ABCC4: variants seen among roughly 807,000 people sequenced by gnomAD.
ABCC4 encodes the protein ATP-binding cassette sub-family C member 4.
ABCC4 carries 102 observed loss-of-function variants against 168.5 expected under a neutral mutation model. The ratio of observed to expected loss-of-function variants is 0.61; its 90% CI spans 0.52 to 0.71. The LOEUF (loss-of-function observed/expected upper bound fraction) is 0.71. Ranked by LOEUF, ABCC4 falls within the 30% of genes least tolerant of loss-of-function variation. The pLI, the probability that ABCC4 is intolerant of heterozygous loss-of-function variation, is 0.00. For synonymous variants in ABCC4, 617 were observed against 590.7 expected (o/e 1.04, Z -0.65); for missense variants, 1,402 against 1,605.8 (o/e 0.87, Z 2.17).
intron 25 of ABCC4, among the ~76,000 whole-genome samples, chr13:95,069,305 A>G (rs2033648514): frequency 6.6e-6 from 1 of 152,170 alleles, no homozygotes; most frequent in Non-Finnish European, 1.5e-5. Flanking sequence ...GGGGGTACAG[A>G]GACGAATATA....
In ABCC4 at chr13:95,232,107, ATGC is replaced by A. The variant is rs149368557; in HGVS notation, c.531+2500_531+2502del. Among the ~76,000 whole-genome samples, 142 of 36,922 alleles carry A rather than the reference ATGC, an allele frequency of 3.8e-3. 1 individual carries two copies. The highest frequency in any genetic ancestry group is 0.011 in the Middle Eastern group (1 of 90). The allele number at this position is 36,922 out of a possible 152,430, so 24.2% of individuals were successfully genotyped here. ...CAGGAGAATAACACAGATGATGATGATGCTGCTGCTGCTGATGATGATGGTGGT... is the reference window on the plus strand; with the variant it reads ...CAGGAGAATAACACAGATGATGATGATGCTGCTGCTGATGATGATGGTGGT... On this transcript the variant is annotated intron_variant, in intron 4 of 30. Transcript: ENST00000645237.
intron 26 of ABCC4, among the ~76,000 whole-genome samples, chr13:95,054,336 C>G (rs2032974296): frequency 6.6e-6 from 1 of 152,054 alleles, no homozygotes; most frequent in Non-Finnish European, 1.5e-5. Flanking sequence ...TCAGCCTCTT[C>G]CTGGATTTCA....
intron 13 of ABCC4, among the ~76,000 whole-genome samples, chr13:95,177,107 T>C (rs540265624): frequency 6.6e-6 from 1 of 152,270 alleles, no homozygotes; most frequent in African/African-American, 2.4e-5. Flanking sequence ...CTGGTAAGAA[T>C]CCATGAAGCA....
At chr13:95,095,606 T>C (rs930069387) in intron 20 of ABCC4, among the ~76,000 whole-genome samples, 1 of 152,126 alleles carries the variant, frequency 6.6e-6, no homozygotes, top group Non-Finnish European at 1.5e-5. Flanking sequence ...GCTTGGGTGA[T>C]GGGTGCACCA....
intron 19 of ABCC4, among the ~76,000 whole-genome samples, chr13:95,159,869 T>C (rs1007114319): frequency 6.6e-6 from 1 of 152,108 alleles, no homozygotes; most frequent in Non-Finnish European, 1.5e-5. Flanking sequence ...ACAGAGAGGG[T>C]AGGAGTAATT....
In ABCC4 at chr13:95,044,284, G is replaced by A. The variant is rs936033278; in HGVS notation, c.3611C>T (p.Thr1204Met). Residue 1204 changes from threonine to methionine, a missense_variant, in exon 28 of 31, where the codon ACG (threonine) becomes ATG (methionine). Physicochemically the swap from Thr to Met is moderately conservative, Grantham distance 81. This residue lies in a region of ABCC4 where 1,007 missense variants were observed against 1,127.3 expected (regional missense o/e 0.89). Coordinates refer to ENST00000645237, the MANE Select transcript of ABCC4 (RefSeq NM_005845.5). ...TTTATACCTTGGATCCACATTTGCC[G>A]TCGCTTCATCAATAATCAATATCTG... Reference protein sequence around the residue: ...KNQILIIDEATANVDPRTDEL... With the variant: ...KNQILIIDEAMANVDPRTDEL... The A allele has an allele frequency of 1.1e-5, 17 of 1,611,868 alleles. No individual in the cohort carries two copies. The highest frequency in any genetic ancestry group is 3.3e-5 in the Admixed American group (2 of 59,722).
chr13:95,203,304 T>C (rs1426280526), intron 8 of ABCC4, among the ~76,000 whole-genome samples: 2 of 151,756 alleles, frequency 1.3e-5, no homozygotes, highest in African/African-American at 4.8e-5. Flanking sequence ...AAAGTCCATT[T>C]GTTTCACAGC....
intron 1 of ABCC4, among the ~76,000 whole-genome samples, chr13:95,294,940 G>A (rs761773383): frequency 8.5e-5 from 13 of 152,078 alleles, no homozygotes; most frequent in Non-Finnish European, 1.3e-4. Context: ...GGCAACAAGA[G>A]TGAAACTCCA....
At chr13:95,146,705 C>T (rs1043222088) in intron 19 of ABCC4, among the ~76,000 whole-genome samples, 1 of 152,190 alleles carries the variant, frequency 6.6e-6, no homozygotes, top group East Asian at 1.9e-4. Context: ...GAGACTGCAA[C>T]AGATTTCTTG....
At chr13:95,259,856 GAA>G (rs11345832) in intron 1 of ABCC4, among the ~76,000 whole-genome samples, 6,992 of 140,952 alleles carry the variant, frequency 0.05, 224 homozygotes, top group Non-Finnish European at 0.071. Context: ...GTAGTGTGGG[GAA>G]AAAAAAAAAA....
rs963811626 is a variant in ABCC4 at position 95,138,752 on chromosome 13, C to T, written c.2455+22437G>A. On this transcript the variant is annotated intron_variant, in intron 19 of 30. Transcript: ENST00000645237. The stretch of plus-strand genomic sequence containing the variant: ...AGCTCCGGCAAGCACCGAAAGGTGA[C>T]GTTATCAGGCATCCATTTTACTGAA... Among the ~76,000 whole-genome samples, 10 of 152,222 alleles carry T rather than the reference C, an allele frequency of 6.6e-5. No homozygotes were observed. In the East Asian group the frequency reaches 1.2e-3, roughly 18 times the overall value.
rs555044109 is a variant in ABCC4 at position 95,207,192 on chromosome 13, A to C, written c.912-411T>G. Reference sequence around the variant, plus strand: ...ACAGGCATGTGCCACCACGCCCAGCAAATGTTTGTATTTTTAGTAGAGACA... The same window carrying C: ...ACAGGCATGTGCCACCACGCCCAGCCAATGTTTGTATTTTTAGTAGAGACA... On this transcript the variant is annotated intron_variant, in intron 7 of 30. Coordinates refer to ENST00000645237, the MANE Select transcript of ABCC4 (RefSeq NM_005845.5). Among the ~76,000 whole-genome samples the C allele has an allele frequency of 1.4e-3, 208 of 152,114 alleles. 5 individuals are homozygous for C. In the South Asian group the frequency reaches 0.042, roughly 30 times the overall value.
At chr13:95,041,412 T>C (rs1566365347) in intron 29 of ABCC4, among the ~76,000 whole-genome samples, 1 of 152,250 alleles carries the variant, frequency 6.6e-6, no homozygotes, top group Non-Finnish European at 1.5e-5. Flanking sequence ...AAACTATATC[T>C]ATCCGTCTTT....
At chr13:95,022,786 CA>C (rs1215912602) in intron 30 of ABCC4, among the ~76,000 whole-genome samples, 1 of 152,146 alleles carries the variant, frequency 6.6e-6, no homozygotes, top group African/African-American at 2.4e-5. Flanking sequence ...GATTCACGTA[CA>C]AAAAAGAAAG....
chr13:95,070,556 C>G (rs2033690302), intron 25 of ABCC4, among the ~76,000 whole-genome samples: 1 of 152,186 alleles, frequency 6.6e-6, no homozygotes, highest in Non-Finnish European at 1.5e-5. Flanking sequence ...AACCAGCTCA[C>G]AAAACTCCAC....
intron 29 of ABCC4, 128 bp downstream of exon 29, chr13:95,043,553 TG>T: frequency 1.5e-6 from 1 of 664,104 alleles, no homozygotes; most frequent in Non-Finnish European, 2.5e-6. Flanking sequence ...GAATTACTGC[TG>T]GGAAGAGAGC....
chr13:95,099,464 T>A (rs2034721302), intron 20 of ABCC4, among the ~76,000 whole-genome samples: 1 of 152,132 alleles, frequency 6.6e-6, no homozygotes, highest in South Asian at 2.1e-4. Flanking sequence ...AAAAAAACTG[T>A]CGATTTTATT....
At chr13:95,023,080 A>C (rs2031183549) in intron 30 of ABCC4, among the ~76,000 whole-genome samples, 1 of 152,186 alleles carries the variant, frequency 6.6e-6, no homozygotes, top group Admixed American at 6.5e-5. Context: ...TTATAGATTT[A>C]TGTACTCCAA....
chr13:95,065,990 T>G (rs1300949316), intron 25 of ABCC4, among the ~76,000 whole-genome samples: 1 of 152,186 alleles, frequency 6.6e-6, no homozygotes, highest in Admixed American at 6.5e-5. Flanking sequence ...CACTCCACAC[T>G]GGGAAACCTC....
Sources: gnomAD v4.1 joint callset for allele counts (sites outside exome capture counted in the v4.1 genomes callset) on GRCh38, gnomAD v4.1.1 for gene constraint, gnomAD v4.1.1 regional missense constraint, MANE v1.5 for transcripts, NCBI Gene and HGNC (gene_info 2026-07-23, HGNC 2026-07-21) for gene names.